Variants in ATXN7L1 observed in about 807,000 individuals in gnomAD.
The protein encoded by ATXN7L1 is ataxin 7 like 1.
ATXN7L1 carries 15 observed loss-of-function variants against 70.8 expected under a neutral mutation model. The ratio of observed to expected loss-of-function variants is 0.21; its 90% CI spans 0.14 to 0.33. The LOEUF (loss-of-function observed/expected upper bound fraction) is 0.33, where lower values mean the gene tolerates loss of function less well. Among genes scored for constraint, ATXN7L1 ranks in the 10% least tolerant of loss-of-function variants. ATXN7L1 has a pLI of 1.00. For missense variants in ATXN7L1, 975 were observed against 1,097.1 expected (o/e 0.89, Z 1.57); for synonymous variants, 440 against 445.1 (o/e 0.99, Z 0.14).
chr7:105,792,344 T>C (rs1045875563), intron 2 of ATXN7L1, among the ~76,000 whole-genome samples: 1 of 152,198 alleles, frequency 6.6e-6, no homozygotes, highest in African/African-American at 2.4e-5. Context: ...TAGGATCTCC[T>C]CTACAGGCTG....
chr7:105,627,045 A>G (rs1342138443), intron 7 of ATXN7L1, among the ~76,000 whole-genome samples: 2 of 152,154 alleles, frequency 1.3e-5, no homozygotes. Flanking sequence ...ATATATCACA[A>G]TTTACTTAAC....
chr7:105,709,873 T>C (rs1019998695), intron 3 of ATXN7L1, among the ~76,000 whole-genome samples: 5 of 146,870 alleles, frequency 3.4e-5, no homozygotes, highest in Non-Finnish European at 6.0e-5. Context: ...TAAAGCTTGC[T>C]TTGCTTTTTT....
rs1417842023 is a variant in ATXN7L1 at position 105,605,478 on chromosome 7, G to A, written c.*2374C>T. On this transcript the variant is annotated 3_prime_UTR_variant, in exon 12 of 12. Coordinates refer to ENST00000419735, the MANE Select transcript of ATXN7L1 (RefSeq NM_020725.2). ...AGTAAGCAGCATTCGATGAGGGTGGGGGGGGGGGTGGGGGCTCTTTATTCC... is the reference window on the plus strand; with the variant it reads ...AGTAAGCAGCATTCGATGAGGGTGGAGGGGGGGGTGGGGGCTCTTTATTCC... The A allele has an allele frequency of 1.7e-5, 1 of 59,576 alleles. No individual in the cohort carries two copies. Among genetic ancestry groups the A allele is most frequent in the Non-Finnish European group, 3.7e-5 (1 of 26,974 alleles). 3.7% of individuals were successfully genotyped at this position (59,576 alleles called of 1,614,324 possible).
intron 2 of ATXN7L1, among the ~76,000 whole-genome samples, chr7:105,849,255 C>T (rs1814519666): frequency 6.6e-6 from 1 of 152,190 alleles, no homozygotes; most frequent in Non-Finnish European, 1.5e-5. Flanking sequence ...GTCACCACAC[C>T]AGGGCGTCAC....
intron 3 of ATXN7L1, among the ~76,000 whole-genome samples, chr7:105,787,776 G>A (rs1804533505): frequency 6.6e-6 from 1 of 152,148 alleles, no homozygotes; most frequent in Admixed American, 6.5e-5. Context: ...GGTAAGGAGG[G>A]CATTCAGATT....
chr7:105,757,672 G>A (rs547218785), intron 3 of ATXN7L1, among the ~76,000 whole-genome samples: 2 of 148,588 alleles, frequency 1.3e-5, no homozygotes, highest in African/African-American at 2.5e-5. Flanking sequence ...CTCCATCTCC[G>A]GGGCCCAAGG....
intron 3 of ATXN7L1, among the ~76,000 whole-genome samples, chr7:105,682,392 A>G (rs1277946425): frequency 6.6e-6 from 1 of 152,238 alleles, no homozygotes; most frequent in African/African-American, 2.4e-5. Flanking sequence ...AGTTAAATAT[A>G]GAATTACCAT....
intron 9 of ATXN7L1, among the ~76,000 whole-genome samples, chr7:105,616,290 C>T (rs76293133): frequency 3.3e-5 from 5 of 152,182 alleles, no homozygotes; most frequent in Admixed American, 2.6e-4. Context: ...GCATCAGGAC[C>T]AGGTGCCAGC....
In ATXN7L1 at chr7:105,606,256, A is replaced by C. The variant is rs1444774405; in HGVS notation, c.*1596T>G. 6.6e-6 allele frequency: 1 copy of C among 152,218 alleles called. No individual in the cohort carries two copies. Among genetic ancestry groups the C allele is most frequent in the Non-Finnish European group, 1.5e-5 (1 of 68,036 alleles). The allele number at this position is 152,218 out of a possible 1,614,324, so 9.4% of individuals were successfully genotyped here. ...TATTAAAAAATTTAGTAATCCTATA[A>C]GAAACACTCACTGTCAGTGCAATTC... On this transcript the variant is annotated 3_prime_UTR_variant, in exon 12 of 12. Transcript: ENST00000419735.
chr7:105,669,207 G>A (rs896445264), intron 3 of ATXN7L1, among the ~76,000 whole-genome samples: 16 of 152,118 alleles, frequency 1.1e-4, no homozygotes, highest in South Asian at 2.1e-4. Context: ...TCAGCCTCCT[G>A]AGTAGCTGCG....
intron 3 of ATXN7L1, among the ~76,000 whole-genome samples, chr7:105,698,832 T>C (rs1054941052): frequency 6.6e-6 from 1 of 152,248 alleles, no homozygotes; most frequent in African/African-American, 2.4e-5. Context: ...TATCTTTGCA[T>C]GCTAGCCAGA....
intron 3 of ATXN7L1, among the ~76,000 whole-genome samples, chr7:105,771,201 G>GATGATA (rs1554457177): frequency 7.2e-5 from 10 of 139,250 alleles, no homozygotes; most frequent in South Asian, 7.0e-4. Flanking sequence ...CTCCGTCTCT[G>GATGATA]ATAATAATAA....
At chr7:105,876,297 C>G in intron 1 of ATXN7L1, 81 bp downstream of exon 1, 1 of 1,463,000 alleles carries the variant, frequency 6.8e-7, no homozygotes, top group Non-Finnish European at 9.1e-7. Context: ...CTCTCTCACA[C>G]ACACACTTTT....
At chr7:105,784,705 A>C (rs769787523) in intron 3 of ATXN7L1, among the ~76,000 whole-genome samples, 10 of 152,122 alleles carry the variant, frequency 6.6e-5, no homozygotes, top group Admixed American at 2.6e-4. Context: ...CATCCCAGCA[A>C]CCCCCTGAGG....
intron 2 of ATXN7L1, among the ~76,000 whole-genome samples, chr7:105,793,646 G>A (rs1240926756): frequency 6.6e-6 from 1 of 152,178 alleles, no homozygotes; most frequent in Non-Finnish European, 1.5e-5. Context: ...TGTGCCCAAT[G>A]AAGACGGAAC....
chr7:105,749,667 G>A (rs1198413447), intron 3 of ATXN7L1, among the ~76,000 whole-genome samples: 3 of 151,576 alleles, frequency 2.0e-5, no homozygotes, highest in Non-Finnish European at 2.9e-5. Flanking sequence ...TAATATCCCT[G>A]GATTAATATC....
chr7:105,639,459 G>A, intron 6 of ATXN7L1, 28 bp downstream of exon 6: 1 of 1,523,486 alleles, frequency 6.6e-7, no homozygotes, highest in Non-Finnish European at 8.9e-7. Flanking sequence ...GCGAGAGCAG[G>A]AAGTATTTTT....
intron 3 of ATXN7L1, among the ~76,000 whole-genome samples, chr7:105,754,925 A>G (rs1383604060): frequency 1.3e-5 from 2 of 152,224 alleles, no homozygotes; most frequent in African/African-American, 4.8e-5. Flanking sequence ...TTTGGACTCA[A>G]GCCTATGCAC....
At chr7:105,748,758 A>G (rs972118462) in intron 3 of ATXN7L1, among the ~76,000 whole-genome samples, 4 of 152,216 alleles carry the variant, frequency 2.6e-5, no homozygotes, top group African/African-American at 9.6e-5. Flanking sequence ...AACAGCACTC[A>G]GGGCCAAGTG....
Sources: allele counts gnomAD v4.1 joint callset (sites outside exome capture counted in the v4.1 genomes callset), GRCh38; gene constraint gnomAD v4.1.1; transcripts MANE v1.5; gene names NCBI Gene and HGNC (gene_info 2026-07-23, HGNC 2026-07-21).